CAMKK1: variants seen among roughly 807,000 people sequenced by gnomAD.
The protein encoded by CAMKK1 is calcium/calmodulin-dependent protein kinase kinase 1.
Under a neutral mutation model 63.5 loss-of-function variants are expected in CAMKK1, and 20 were observed. The observed-to-expected ratio is 0.32, with a 90% confidence interval of 0.22 to 0.46. CAMKK1 has a LOEUF of 0.46. Ranked by LOEUF, CAMKK1 falls within the 20% of genes least tolerant of loss-of-function variation. CAMKK1 has a pLI of 1.00. For synonymous variants in CAMKK1, 253 were observed against 269.0 expected, an observed-to-expected ratio of 0.94 and a Z score of 0.58; for missense variants, 588 against 658.1, an observed-to-expected ratio of 0.89 and a Z score of 1.17.
intron 14 of CAMKK1, among the ~76,000 whole-genome samples, chr17:3,868,176 G>A (rs1324523907): frequency 1.2e-4 from 1 of 8,204 alleles, no homozygotes; most frequent in Non-Finnish European, 2.6e-4. Context: ...TGGGCTCTGG[G>A]GGAGAAGCAG....
Position 3,882,200 on chromosome 17 carries a change from A to G in CAMKK1, c.685+328T>C, listed in dbSNP as rs2055437103. On this transcript the variant is annotated intron_variant, in intron 7 of 15. Transcript: ENST00000348335. This position sits in a 1 kb window ranked among gnomAD's most constrained non-coding sequence, Gnocchi z 4.3. Reference sequence around the variant, plus strand: ...GTATCCCTGTTTTATAGGTGGGAAAACTGAGGCACAGAGCTACAGTGTCTG... The same window carrying G: ...GTATCCCTGTTTTATAGGTGGGAAAGCTGAGGCACAGAGCTACAGTGTCTG... 1.6e-6 allele frequency: 2 copies of G among 1,269,740 alleles called. No individual in the cohort carries two copies. The highest frequency in any genetic ancestry group is 4.7e-5 in the East Asian group (2 of 42,928). The allele number at this position is 1,269,740 out of a possible 1,614,324, so 78.7% of individuals were successfully genotyped here.
At position 3,862,241 on chromosome 17, in the gene CAMKK1, G is replaced by A. The variant is rs371095701; in HGVS notation, c.1488C>T (p.Pro496=). The stretch of plus-strand genomic sequence containing the variant: ...ATGCAGCCTCGTCTTCCTGGACGCC[G>A]GGGAGCTCTGGGCTCTTGCCCCCTT... ...FGEGGKSPEL[P]GVQEDEAAS The change falls in exon 16 of 16, where the codon CCC becomes CCT. Residue 496 remains proline, a synonymous_variant. Transcript: ENST00000348335. This position sits in a 1 kb window ranked among gnomAD's most constrained non-coding sequence, Gnocchi z 4.1. The A allele has an allele frequency of 3.6e-5, 58 of 1,590,498 alleles. No homozygotes were observed. Among genetic ancestry groups the A allele is most frequent in the East Asian group, 2.5e-4 (11 of 43,782 alleles).
At chr17:3,864,834 C>G (rs2054455671) in intron 15 of CAMKK1, among the ~76,000 whole-genome samples, 1 of 152,198 alleles carries the variant, frequency 6.6e-6, no homozygotes, top group African/African-American at 2.4e-5. Flanking sequence ...GTCAGCTTGT[C>G]CACTACGAGG....
rs777695527 is a variant in CAMKK1 at position 3,885,375 on chromosome 17, G to A, written c.313C>T (p.Arg105Trp). The A allele has an allele frequency of 2.4e-5, 39 of 1,608,856 alleles. No individual in the cohort carries two copies. Among genetic ancestry groups the A allele is most frequent in the Middle Eastern group, 3.3e-4 (2 of 6,030 alleles). ...TGGTGGGACTCGATGGTGGGCCTCC[G>A]CCAGGCCCGGGGGGAGATGTGGCTG... ...PASHISPRAW[R>W]RPTIESHHVA... Residue 105 changes from arginine to tryptophan, a missense_variant, in exon 2 of 16, where the codon CGG (arginine) becomes TGG (tryptophan). Transcript: ENST00000348335.
chr17:3,876,473 A>G (rs1203855844), intron 9 of CAMKK1, 51 bp from the exon 10 acceptor site: 1 of 1,515,904 alleles, frequency 6.6e-7, no homozygotes, highest in South Asian at 1.1e-5. Context: ...ACCGCTGGCC[A>G]GGACCCCACA....
At chr17:3,864,178 T>G (rs1597435038) in intron 15 of CAMKK1, among the ~76,000 whole-genome samples, 1 of 151,684 alleles carries the variant, frequency 6.6e-6, no homozygotes, top group East Asian at 1.9e-4. Context: ...CTTGAACTCC[T>G]GGCCTCAAGC....
At position 3,873,535 on chromosome 17, in the gene CAMKK1, C is replaced by T. The variant is rs537631260; in HGVS notation, c.997-73G>A. 1.5e-4 allele frequency: 216 copies of T among 1,426,378 alleles called. 2 individuals are homozygous for T. The South Asian group carries it at 2.3e-3, about 15-fold the overall frequency. The allele number at this position is 1,426,378 out of a possible 1,614,324, so 88.4% of individuals were successfully genotyped here. ...CTGCCCACCCAGCTCCAGCGGGCTG[C>T]AGGAGAGGCCTGCAGGGAACCTCTT... On this transcript the variant is annotated intron_variant, in intron 10 of 15. Coordinates refer to ENST00000348335, the MANE Select transcript of CAMKK1 (RefSeq NM_032294.3).
At position 3,885,812 on chromosome 17, in the gene CAMKK1, C is replaced by T. The variant is rs1597488228; in HGVS notation, c.-43-82G>A. The stretch of plus-strand genomic sequence containing the variant: ...AAGGTAGCCACAGCGCTGTGGGTCC[C>T]ACCTCCATGCCTTTGCCCTGGCTGT... On this transcript the variant is annotated intron_variant, in intron 1 of 15. Coordinates refer to ENST00000348335, the MANE Select transcript of CAMKK1 (RefSeq NM_032294.3). 1.4e-5 allele frequency: 19 copies of T among 1,386,042 alleles called. No individual in the cohort carries two copies. In the East Asian group the frequency reaches 3.1e-4, roughly 23 times the overall value. 85.9% of individuals were successfully genotyped at this position (1,386,042 alleles called of 1,614,324 possible).
rs140133684 is a variant in CAMKK1 at position 3,886,099 on chromosome 17, G to A, written c.-43-369C>T. Among the ~76,000 whole-genome samples, 233 of 152,346 alleles carry A rather than the reference G, an allele frequency of 1.5e-3. 1 individual carries two copies. The highest frequency in any genetic ancestry group is 5.4e-3 in the African/African-American group (224 of 41,570). Reference sequence around the variant, plus strand: ...GGTCAGCTCAGCCCCAGCACAGCATGCAGCCCTGTGAGTCATGAGTCCCAA... The same window carrying A: ...GGTCAGCTCAGCCCCAGCACAGCATACAGCCCTGTGAGTCATGAGTCCCAA... On this transcript the variant is annotated intron_variant, in intron 1 of 15. Transcript: ENST00000348335.
In CAMKK1 at chr17:3,883,711, C is replaced by A. The variant is rs888095429; in HGVS notation, c.462+173G>T. ...AGCTTTCCCCTCAGAGGAATCCAGT[C>A]TCTGCTTGCATATCCCCAGGGTTAG... On this transcript the variant is annotated intron_variant, in intron 4 of 15. Coordinates refer to ENST00000348335, the MANE Select transcript of CAMKK1 (RefSeq NM_032294.3). This position sits in a 1 kb window ranked among gnomAD's most constrained non-coding sequence, Gnocchi z 4.7. Among the ~76,000 whole-genome samples, 1 of 152,040 alleles carries A rather than the reference C, an allele frequency of 6.6e-6. No individual in the cohort carries two copies. Among genetic ancestry groups the A allele is most frequent in the Admixed American group, 6.5e-5 (1 of 15,278 alleles).
rs1555546246 is a variant in CAMKK1 at position 3,893,017 on chromosome 17, C to CCGCCCCACCGCCT, written c.-135_-123dup. 1 of 149,392 alleles carries CCGCCCCACCGCCT rather than the reference C, an allele frequency of 6.7e-6. No homozygotes were observed. Among genetic ancestry groups the CCGCCCCACCGCCT allele is most frequent in the Non-Finnish European group, 1.5e-5 (1 of 66,792 alleles). The allele number at this position is 149,392 out of a possible 1,614,324, so 9.3% of individuals were successfully genotyped here. The stretch of plus-strand genomic sequence containing the variant: ...GCTGCGCGCCCCGCCCCGCCCCGCC[C>CCGCCCCACCGCCT]CGCCCCACCGCCTCGCTGGGGCCCA... On this transcript the variant is annotated 5_prime_UTR_variant, in exon 1 of 16. Transcript: ENST00000348335. The surrounding 1 kb of genome is among the most constrained non-coding windows in gnomAD (Gnocchi z 4.6).
intron 15 of CAMKK1, chr17:3,865,351 C>CA (rs2054477537): frequency 1.1e-5 from 11 of 987,956 alleles, no homozygotes; most frequent in African/African-American, 1.7e-5. Context: ...CCTGCTTACT[C>CA]ACTGAACAAG....
chr17:3,876,112 C>G (rs1312184627), intron 10 of CAMKK1, 111 bp downstream of exon 10: 4 of 1,018,146 alleles, frequency 3.9e-6, no homozygotes, highest in Non-Finnish European at 5.6e-6. Flanking sequence ...GCAAATATGT[C>G]ACTCCCTAGA....
At chr17:3,870,038 T>C (rs1369055700) in intron 12 of CAMKK1, 150 bp from the exon 13 acceptor site, 2 of 663,356 alleles carry the variant, frequency 3.0e-6, no homozygotes, top group Admixed American at 2.4e-5. Flanking sequence ...TTGGAGAGCC[T>C]TTCCTGAGCA....
chr17:3,867,003 G>A (rs1166943187), intron 14 of CAMKK1, among the ~76,000 whole-genome samples: 1 of 152,234 alleles, frequency 6.6e-6, no homozygotes, highest in Non-Finnish European at 1.5e-5. Flanking sequence ...TTACAGGCGT[G>A]AGCCACTGCG....
At chr17:3,876,503 G>A (rs2055161997) in intron 9 of CAMKK1, 81 bp from the exon 10 acceptor site, 4 of 1,293,436 alleles carry the variant, frequency 3.1e-6, no homozygotes, top group Non-Finnish European at 4.4e-6. Flanking sequence ...GCACAGCCAG[G>A]GACGCCGGCC....
rs910121521 is a variant in CAMKK1, at chr17:3,892,997, G to GCGCCCCGCCCCGCCCCGCCCCGCCC, written c.-127_-103dup. On this transcript the variant is annotated 5_prime_UTR_variant, in exon 1 of 16. Transcript: ENST00000348335. This position sits in a 1 kb window ranked among gnomAD's most constrained non-coding sequence, Gnocchi z 7.5. The stretch of plus-strand genomic sequence containing the variant: ...GGGCGGCCCCACTCGCTCCTGCTGC[G>GCGCCCCGCCCCGCCCCGCCCCGCCC]CGCCCCGCCCCGCCCCGCCCCGCCC... The GCGCCCCGCCCCGCCCCGCCCCGCCC allele has an allele frequency of 6.8e-6, 1 of 146,844 alleles. No homozygotes were observed. Among genetic ancestry groups the GCGCCCCGCCCCGCCCCGCCCCGCCC allele is most frequent in the Non-Finnish European group, 1.5e-5 (1 of 65,514 alleles). The allele number at this position is 146,844 out of a possible 1,614,324, so 9.1% of individuals were successfully genotyped here.
intron 12 of CAMKK1, among the ~76,000 whole-genome samples, chr17:3,871,347 G>GTTTTTTTTTTTTTTTTTTT (rs869219931): frequency 1.2e-4 from 13 of 104,358 alleles, no homozygotes; most frequent in Admixed American, 2.3e-4. Flanking sequence ...TTTTTTTTTT[G>GTTTTTTTTTTTTTTTTTTT]TTTTTTTTTT....
At position 3,889,816 on chromosome 17, in the gene CAMKK1, G is replaced by C. The variant is rs2055819959; in HGVS notation, c.-44+3123C>G. 6.6e-6 allele frequency among the ~76,000 whole-genome samples: 1 copy of C among 152,168 alleles called. No individual in the cohort carries two copies. Among genetic ancestry groups the C allele is most frequent in the Non-Finnish European group, 1.5e-5 (1 of 68,028 alleles). ...CCGGCTCCAGACGCCCACTTGGCCT[G>C]GCTTCTTCCACAGGACATGCCCCAT... On this transcript the variant is annotated intron_variant, in intron 1 of 15. Transcript: ENST00000348335. The surrounding 1 kb of genome is among the most constrained non-coding windows in gnomAD (Gnocchi z 5.2).
Sources: gnomAD v4.1 joint callset for allele counts (sites outside exome capture counted in the v4.1 genomes callset) on GRCh38, gnomAD v4.1.1 for gene constraint, Gnocchi (gnomAD v3.1) non-coding constraint, MANE v1.5 for transcripts, NCBI Gene and HGNC (gene_info 2026-07-23, HGNC 2026-07-21) for gene names.